Variants in ANKRD11 observed in about 807,000 individuals in gnomAD.
ANKRD11 encodes ankyrin repeat domain-containing protein 11.
A neutral mutation model predicts 195.7 loss-of-function variants in ANKRD11; 17 were observed. The observed-to-expected ratio is 0.09, with a 90% CI of 0.06 to 0.13. The LOEUF is 0.13. Among genes scored for constraint, ANKRD11 ranks in the 10% least tolerant of loss-of-function variants. The pLI, the probability that ANKRD11 is intolerant of heterozygous loss-of-function variation, is 1.00. For synonymous variants in ANKRD11, 1,953 were observed against 1,528.1 expected (o/e 1.28, Z -6.49); for missense variants, 3,735 against 3,566.1 (o/e 1.05, Z -1.21).
chr16:89,367,117 CT>C (rs1567706965), intron 2 of ANKRD11, among the ~76,000 whole-genome samples: 1 of 152,226 alleles, frequency 6.6e-6, no homozygotes, highest in Non-Finnish European at 1.5e-5. Flanking sequence ...CGGATACTCA[CT>C]ACCTCAACTC....
intron 1 of ANKRD11, among the ~76,000 whole-genome samples, chr16:89,482,086 G>A (rs1326530201): frequency 2.0e-5 from 3 of 152,128 alleles, no homozygotes; most frequent in Admixed American, 6.5e-5. Context: ...CCACAGCACT[G>A]CACCCAGTGA....
At chr16:89,316,899 G>C (rs769144800) in intron 3 of ANKRD11, 34 bp downstream of exon 3, 5 of 1,606,560 alleles carry the variant, frequency 3.1e-6, no homozygotes, top group Non-Finnish European at 4.3e-6. Context: ...TCTGGGTGCG[G>C]TGAGCATGCA....
chr16:89,333,337 G>A (rs1342845753), intron 2 of ANKRD11, among the ~76,000 whole-genome samples: 3 of 152,210 alleles, frequency 2.0e-5, no homozygotes, highest in Non-Finnish European at 2.9e-5. Flanking sequence ...GAGAGTGGCC[G>A]TTTGTTACAG....
chr16:89,331,867 G>A (rs1032609011), intron 2 of ANKRD11, among the ~76,000 whole-genome samples: 1 of 151,596 alleles, frequency 6.6e-6, no homozygotes, highest in Admixed American at 6.6e-5. Context: ...GTGTGGACTC[G>A]GGTTTGGTTC....
At chr16:89,428,929 G>A (rs543272527) in intron 1 of ANKRD11, among the ~76,000 whole-genome samples, 2 of 152,188 alleles carry the variant, frequency 1.3e-5, no homozygotes, top group South Asian at 4.1e-4. Flanking sequence ...ATACACCACT[G>A]TCCCTGAATG....
rs187950436 is a variant in ANKRD11 at position 89,479,842 on chromosome 16, C to T, written c.-145+10403G>A. On this transcript the variant is annotated intron_variant, in intron 1 of 12. Coordinates refer to ENST00000301030, the MANE Select transcript of ANKRD11 (RefSeq NM_013275.6). The stretch of plus-strand genomic sequence containing the variant: ...CCTGTAGTCCCAACCACTCGGGAGG[C>T]TGAGGCAGGAGAATGGCATGAACCT... 2.8e-3 allele frequency among the ~76,000 whole-genome samples: 418 copies of T among 150,794 alleles called. 3 individuals carry two copies. The highest frequency in any genetic ancestry group is 4.2e-3 in the South Asian group (20 of 4,766).
intron 2 of ANKRD11, among the ~76,000 whole-genome samples, chr16:89,354,243 C>CAA (rs5818711): frequency 0.08 from 10,048 of 126,008 alleles, 467 homozygotes; most frequent in Middle Eastern, 0.12. Flanking sequence ...TGCATTCAGC[C>CAA]AAAAAAAAAA....
chr16:89,363,833 A>G (rs887636691), intron 2 of ANKRD11, among the ~76,000 whole-genome samples: 1 of 152,136 alleles, frequency 6.6e-6, no homozygotes. Context: ...GGCAAGGAGG[A>G]CTGACTGAGG....
Position 89,415,839 on chromosome 16 carries a change from A to AAAAAAACAAAAAACAAC in ANKRD11, c.-60+2444_-60+2445insGTTGTTTTTTGTTTTTT, listed in dbSNP as rs1312354052. ...AGCTAGACTCTGTCTCAAAAAAAAA[A>AAAAAAACAAAAAACAAC]AAAAAAAAAAACAATGGAGAACCAG... On this transcript the variant is annotated intron_variant, in intron 2 of 12. Coordinates refer to ENST00000301030, the MANE Select transcript of ANKRD11 (RefSeq NM_013275.6). Among the ~76,000 whole-genome samples the AAAAAAACAAAAAACAAC allele has an allele frequency of 2.9e-4, 42 of 143,910 alleles. 1 individual carries two copies. The highest frequency in any genetic ancestry group is 1.0e-3 in the African/African-American group (41 of 39,282). 94.4% of individuals were successfully genotyped at this position (143,910 alleles called of 152,430 possible). A position where few individuals can be genotyped will look rare whatever the true frequency, so the allele number is the denominator to read the frequency against.
At chr16:89,379,137 G>A (rs1358415567) in intron 2 of ANKRD11, among the ~76,000 whole-genome samples, 3 of 152,200 alleles carry the variant, frequency 2.0e-5, no homozygotes, top group Admixed American at 6.5e-5. Context: ...CTTCTAGAAG[G>A]TGGGGCCGGC....
chr16:89,278,681 G>A (rs1423410579), intron 9 of ANKRD11: 2 of 478,076 alleles, frequency 4.2e-6, no homozygotes, highest in East Asian at 6.3e-5. Context: ...GGGTCCAAGG[G>A]AGAAGGGGGC....
chr16:89,376,833 C>A (rs1644064066), intron 2 of ANKRD11, among the ~76,000 whole-genome samples: 1 of 152,130 alleles, frequency 6.6e-6, no homozygotes, highest in Non-Finnish European at 1.5e-5. Context: ...GAAGCGAGCA[C>A]TGGGATAGAA....
At chr16:89,307,643 G>A (rs925982259) in intron 3 of ANKRD11, among the ~76,000 whole-genome samples, 1 of 152,238 alleles carries the variant, frequency 6.6e-6, no homozygotes, top group Admixed American at 6.5e-5. Flanking sequence ...CCCGGCCCTC[G>A]GCCTGGGTGC....
intron 1 of ANKRD11, among the ~76,000 whole-genome samples, chr16:89,434,402 C>T (rs1490338844): frequency 5.9e-5 from 9 of 152,178 alleles, no homozygotes. Context: ...TCTTCTTCTC[C>T]ACGCAAGTCG....
chr16:89,281,543 T>G lies in ANKRD11; in HGVS notation c.4999A>C (p.Lys1667Gln), dbSNP rs771001061. 9 of 1,614,066 alleles carry G rather than the reference T, an allele frequency of 5.6e-6. No individual in the cohort carries two copies. The highest frequency in any genetic ancestry group is 6.8e-6 in the Non-Finnish European group (8 of 1,180,042). Residue 1667 changes from lysine to glutamine, a missense_variant, in exon 9 of 13, where the codon AAG becomes CAG. Coordinates refer to ENST00000301030, the MANE Select transcript of ANKRD11 (RefSeq NM_013275.6). The surrounding 1 kb of genome is among the most constrained non-coding windows in gnomAD (Gnocchi z 5.5). ...TCTGCACCTGATGCTGGGTGTAGCT[T>G]ATTTTCCGCGGCAGGTGGAATAGGA... is the stretch of plus-strand genomic sequence containing the variant. ...STPIPPAAEN[K>Q]LHPASGADSK...
intron 3 of ANKRD11, among the ~76,000 whole-genome samples, chr16:89,312,351 T>C (rs1216521163): frequency 2.6e-5 from 4 of 151,648 alleles, no homozygotes; most frequent in Non-Finnish European, 5.9e-5. Flanking sequence ...TGGGAGGAGA[T>C]GAGGACAGTG....
intron 2 of ANKRD11, among the ~76,000 whole-genome samples, chr16:89,401,212 G>A (rs140696578): frequency 2.5e-4 from 37 of 150,866 alleles, no homozygotes; most frequent in African/African-American, 9.0e-4. Flanking sequence ...TCCTGCCTCA[G>A]CCTTCCAAGA....
At chr16:89,289,581 G>A (rs1370509291) in intron 6 of ANKRD11, among the ~76,000 whole-genome samples, 1 of 152,226 alleles carries the variant, frequency 6.6e-6, no homozygotes, top group Non-Finnish European at 1.5e-5. Context: ...GCCCTGTGAA[G>A]TGAGGGAGTC....
chr16:89,434,925 G>A (rs746992332), intron 1 of ANKRD11, among the ~76,000 whole-genome samples: 8 of 152,218 alleles, frequency 5.3e-5, no homozygotes, highest in African/African-American at 9.7e-5. Context: ...GTGTCCATGC[G>A]GATGGCTAGG....
Sources: allele counts gnomAD v4.1 joint callset (sites outside exome capture counted in the v4.1 genomes callset), GRCh38; gene constraint gnomAD v4.1.1; non-coding constraint Gnocchi (gnomAD v3.1); transcripts MANE v1.5; gene names NCBI Gene and HGNC (gene_info 2026-07-23, HGNC 2026-07-21).